MACROD2: variants seen among roughly 807,000 people sequenced by gnomAD.
MACROD2 encodes the protein ADP-ribose glycohydrolase MACROD2.
Under a neutral mutation model 70.4 loss-of-function variants are expected in MACROD2, and 36 were observed. That is an observed-to-expected ratio of 0.51 (90% CI 0.39 to 0.68). MACROD2 has a LOEUF of 0.68. MACROD2 is among the 30% of genes least tolerant of loss of function. MACROD2 has a pLI of 0.00. For synonymous variants in MACROD2, 172 were observed against 178.8 expected (o/e 0.96, Z 0.30); for missense variants, 496 against 538.4 (o/e 0.92, Z 0.78).
intron 8 of MACROD2, among the ~76,000 whole-genome samples, chr20:15,777,578 TTTCCTTCCTTCCTTCC>T (rs1241207207): frequency 2.6e-5 from 1 of 38,356 alleles, no homozygotes; most frequent in African/African-American, 8.2e-5. Flanking sequence ...TCCTTCCTTC[TTTCCTTCCTTCCTTCC>T]TTCCTTCCCT....
chr20:14,933,040 AG>A (rs1272818714), intron 5 of MACROD2, among the ~76,000 whole-genome samples: 4 of 152,170 alleles, frequency 2.6e-5, no homozygotes, highest in Non-Finnish European at 5.9e-5. Flanking sequence ...CGAAATAGAA[AG>A]AATAGTCTTC....
chr20:15,447,100 T>C (rs1328463654), intron 7 of MACROD2, among the ~76,000 whole-genome samples: 1 of 146,654 alleles, frequency 6.8e-6, no homozygotes, highest in Admixed American at 6.8e-5. Flanking sequence ...GTGTGTTGTA[T>C]AGGAAGTATC....
rs960429272 is a variant in MACROD2, at chr20:14,457,119, T to C, written c.272-36360T>C. Among the ~76,000 whole-genome samples, 7 of 152,216 alleles carry C rather than the reference T, an allele frequency of 4.6e-5. No homozygotes were observed. In the East Asian group the frequency reaches 7.7e-4, roughly 17 times the overall value. ...GTGGAGTTTGTTAAAGGTATCATTA[T>C]AGCATCAGAAAGTGGAGACATCAGG... On this transcript the variant is annotated intron_variant, in intron 3 of 17. Coordinates refer to ENST00000684519, the MANE Select transcript of MACROD2 (RefSeq NM_001351661.2).
At chr20:14,750,056 T>C (rs1053279728) in intron 5 of MACROD2, among the ~76,000 whole-genome samples, 10 of 152,164 alleles carry the variant, frequency 6.6e-5, no homozygotes, top group Non-Finnish European at 1.5e-4. Context: ...CTTAAGATGG[T>C]AAATTTTATG....
intron 15 of MACROD2, among the ~76,000 whole-genome samples, chr20:16,023,482 A>AG (rs1212057928): frequency 6.7e-6 from 1 of 149,190 alleles, no homozygotes; most frequent in Non-Finnish European, 1.5e-5. Context: ...TCAAAAAAAA[A>AG]AAAAAAAAAA....
intron 15 of MACROD2, among the ~76,000 whole-genome samples, chr20:16,010,362 A>G (rs12479985): frequency 0.32 from 48,237 of 152,004 alleles, 8,861 homozygotes; most frequent in South Asian, 0.43. Context: ...ACAGGCGCTC[A>G]TCTCTTATCT....
At chr20:15,496,641 G>T (rs2145013) in intron 7 of MACROD2, among the ~76,000 whole-genome samples, 103,935 of 152,082 alleles carry the variant, frequency 0.68, 35,703 homozygotes, top group African/African-American at 0.75. Flanking sequence ...ATTTTATGAT[G>T]TAAGTACTTA....
chr20:14,155,271 A>T lies in MACROD2; in HGVS notation c.271+69543A>T, dbSNP rs181510530. ...TATATTTGAAATTGTAATCATAAATATATCTGTAATAACATTCAAATTGAA... is the reference window on the plus strand; with the variant it reads ...TATATTTGAAATTGTAATCATAAATTTATCTGTAATAACATTCAAATTGAA... On this transcript the variant is annotated intron_variant, in intron 3 of 17. Transcript: ENST00000684519. Among the ~76,000 whole-genome samples, 436 of 152,356 alleles carry T rather than the reference A, an allele frequency of 2.9e-3. 5 individuals carry two copies. The highest frequency in any genetic ancestry group is 9.8e-3 in the African/African-American group (409 of 41,588).
At chr20:15,821,537 T>A (rs2063938071) in intron 8 of MACROD2, among the ~76,000 whole-genome samples, 1 of 152,196 alleles carries the variant, frequency 6.6e-6, no homozygotes, top group African/African-American at 2.4e-5. Context: ...CTTATTGAAA[T>A]AAATTGTATA....
rs1273219684 is a variant in MACROD2, at chr20:15,308,657, A to T, written c.540+78596A>T. On this transcript the variant is annotated intron_variant, in intron 6 of 17. Coordinates refer to ENST00000684519, the MANE Select transcript of MACROD2 (RefSeq NM_001351661.2). ...TTACTTGCCAAATTCAAACATTTAG[A>T]TTCAAGGAAGAAGTCCAACTGAATT... is the stretch of plus-strand genomic sequence containing the variant. Among the ~76,000 whole-genome samples, 3 of 152,192 alleles carry T rather than the reference A, an allele frequency of 2.0e-5. No individual in the cohort carries two copies. In the East Asian group the frequency reaches 5.8e-4, roughly 29 times the overall value.
chr20:14,711,651 G>T (rs2071340164), intron 5 of MACROD2, among the ~76,000 whole-genome samples: 1 of 152,010 alleles, frequency 6.6e-6, no homozygotes, highest in South Asian at 2.1e-4. Context: ...CTAAATGGGG[G>T]CCAAACCTTC....
intron 8 of MACROD2, among the ~76,000 whole-genome samples, chr20:15,526,731 G>A (rs931087811): frequency 2.6e-5 from 4 of 152,140 alleles, no homozygotes; most frequent in Non-Finnish European, 5.9e-5. Flanking sequence ...GGCGTGTGGG[G>A]GCTCTGCCTG....
chr20:15,796,407 C>A (rs560988151), intron 8 of MACROD2, among the ~76,000 whole-genome samples: 249 of 152,358 alleles, frequency 1.6e-3, no homozygotes, highest in African/African-American at 5.7e-3. Flanking sequence ...GTCTTTTCCT[C>A]TTGATGTACA....
chr20:14,402,585 C>T (rs546191468), intron 3 of MACROD2, among the ~76,000 whole-genome samples: 1 of 152,012 alleles, frequency 6.6e-6, no homozygotes, highest in Admixed American at 6.5e-5. Flanking sequence ...AAGGTTAAAT[C>T]CCAGAAATGT....
intron 5 of MACROD2, among the ~76,000 whole-genome samples, chr20:14,854,148 A>G (rs796136355): frequency 2.0e-4 from 31 of 152,266 alleles, no homozygotes; most frequent in Admixed American, 5.2e-4. Flanking sequence ...GGAGGCACCA[A>G]TCAGAGAATG....
intron 5 of MACROD2, among the ~76,000 whole-genome samples, chr20:14,732,475 GA>G (rs527417783): frequency 1.3e-3 from 199 of 152,094 alleles, no homozygotes; most frequent in Non-Finnish European, 2.2e-3. Flanking sequence ...TATGAAGGGG[GA>G]AAAAAATCAA....
At chr20:15,954,318 C>T (rs1382124826) in intron 12 of MACROD2, among the ~76,000 whole-genome samples, 5 of 152,082 alleles carry the variant, frequency 3.3e-5, no homozygotes, top group Admixed American at 2.0e-4. Flanking sequence ...AGTCTCATCT[C>T]GCACCTCTCC....
intron 8 of MACROD2, among the ~76,000 whole-genome samples, chr20:15,509,929 A>C (rs765374780): frequency 1.3e-5 from 2 of 152,090 alleles, no homozygotes; most frequent in Non-Finnish European, 1.5e-5. Context: ...GAAGGCTTAC[A>C]CTCTGTGATT....
chr20:15,287,222 T>A (rs2077500090), intron 6 of MACROD2, among the ~76,000 whole-genome samples: 1 of 152,224 alleles, frequency 6.6e-6, no homozygotes, highest in Admixed American at 6.5e-5. Context: ...CTAAACTAAC[T>A]GGCAGCAAGA....
Sources: gnomAD v4.1 joint callset for allele counts (sites outside exome capture counted in the v4.1 genomes callset) on GRCh38, gnomAD v4.1.1 for gene constraint, MANE v1.5 for transcripts, NCBI Gene and HGNC (gene_info 2026-07-23, HGNC 2026-07-21) for gene names.